Variants in APBB3 observed in about 807,000 individuals in gnomAD.
APBB3 encodes the protein amyloid beta precursor protein binding family B member 3.
A neutral mutation model predicts 61.5 loss-of-function variants in APBB3; 50 were observed. That is an observed-to-expected ratio of 0.81 (90% CI 0.65 to 1.03). APBB3 has a LOEUF of 1.03. Among genes scored for constraint, APBB3 ranks in the 50% least tolerant of loss-of-function variants. The probability of loss-of-function intolerance (pLI) is 0.00; values close to 1 mark genes in which losing one functional copy is unlikely to be tolerated. For synonymous variants in APBB3, 235 were observed against 233.0 expected (o/e 1.01, Z -0.08); for missense variants, 550 against 637.4 (o/e 0.86, Z 1.48).
At chr5:140,559,340 T>C (rs1381307078) in intron 12 of APBB3, among the ~76,000 whole-genome samples, 1 of 152,208 alleles carries the variant, frequency 6.6e-6, no homozygotes, top group Admixed American at 6.5e-5. Flanking sequence ...TCATCTCATC[T>C]GAACAGCTCA....
intron 3 of APBB3, chr5:140,563,249 A>C: frequency 6.0e-6 from 2 of 331,024 alleles, no homozygotes; most frequent in Non-Finnish European, 1.1e-5. Context: ...CATCTCAAAA[A>C]ATAAAAAATA....
rs1755115109 is a variant in APBB3, at chr5:140,564,318, C to T, written c.-73G>A. Reference sequence around the variant, plus strand: ...CAGCGCGACCTCTGGAGCTACTGCGCCTGCAAGCCCAGCCTCTCTGCGCCG... The same window carrying T: ...CAGCGCGACCTCTGGAGCTACTGCGTCTGCAAGCCCAGCCTCTCTGCGCCG... On this transcript the variant is annotated 5_prime_UTR_variant, in exon 1 of 13. Transcript: ENST00000357560. This position sits in a 1 kb window ranked among gnomAD's most constrained non-coding sequence, Gnocchi z 5.0. 1 of 1,567,128 alleles carries T rather than the reference C, an allele frequency of 6.4e-7. No individual in the cohort carries two copies. The highest frequency in any genetic ancestry group is 1.7e-5 in the Admixed American group (1 of 58,422).
At position 140,560,905 on chromosome 5, in the gene APBB3, C is replaced by A; in HGVS notation, c.916+113G>T. 7.1e-7 allele frequency: 1 copy of A among 1,404,772 alleles called. No homozygotes were observed. The highest frequency in any genetic ancestry group is 9.9e-7 in the Non-Finnish European group (1 of 1,011,850). The allele number at this position is 1,404,772 out of a possible 1,614,324, so 87.0% of individuals were successfully genotyped here. On this transcript the variant is annotated intron_variant, in intron 10 of 12. Coordinates refer to ENST00000357560, the MANE Select transcript of APBB3 (RefSeq NM_133173.3). The surrounding 1 kb of genome is among the most constrained non-coding windows in gnomAD (Gnocchi z 5.1). ...TCTGATTTGGGAAGGCTGGTAGACCCCAGGCCATAACAAGGCCACGGGAGG... is the reference window on the plus strand; with the variant it reads ...TCTGATTTGGGAAGGCTGGTAGACCACAGGCCATAACAAGGCCACGGGAGG...
At chr5:140,559,928 C>T (rs748308053) in intron 12 of APBB3, among the ~76,000 whole-genome samples, 9 of 152,196 alleles carry the variant, frequency 5.9e-5, no homozygotes, top group Admixed American at 1.3e-4. Context: ...ACTGAACTAA[C>T]GAAGTATAAG....
intron 9 of APBB3, 83 bp downstream of exon 9, chr5:140,561,282 G>A: frequency 6.5e-7 from 1 of 1,535,854 alleles, no homozygotes; most frequent in Non-Finnish European, 9.0e-7. Flanking sequence ...ATCCACAGAA[G>A]TATTAAATAA....
Position 140,562,332 on chromosome 5 carries a change from TA to T in APBB3, c.498+20del. On this transcript the variant is annotated intron_variant, in intron 5 of 12. Coordinates refer to ENST00000357560, the MANE Select transcript of APBB3 (RefSeq NM_133173.3). ...CTGCTGGGCCCTGGGCCCAAACCAT[TA>T]AAGGGCCCAGCCAACTCACCTCACC... 1 of 1,613,212 alleles carries T rather than the reference TA, an allele frequency of 6.2e-7. No individual in the cohort carries two copies. The highest frequency in any genetic ancestry group is 8.5e-7 in the Non-Finnish European group (1 of 1,179,566).
rs748375226 is a variant in APBB3, at chr5:140,560,804, AG to A, written c.917-51del. 5 of 1,549,900 alleles carry A rather than the reference AG, an allele frequency of 3.2e-6. No homozygotes were observed. The African/African-American group carries it at 5.4e-5, about 17-fold the overall frequency. On this transcript the variant is annotated intron_variant, in intron 10 of 12. Transcript: ENST00000357560. This position sits in a 1 kb window ranked among gnomAD's most constrained non-coding sequence, Gnocchi z 5.1. Reference sequence around the variant, plus strand: ...TCCCAGTGTAAAAGAAAGAGTCTGCAGGGAGTGTCTAGCCCCCTCTCACTGA... The same window carrying A: ...TCCCAGTGTAAAAGAAAGAGTCTGCAGGAGTGTCTAGCCCCCTCTCACTGA...
intron 9 of APBB3, 116 bp downstream of exon 9, chr5:140,561,249 G>A: frequency 6.8e-7 from 1 of 1,475,504 alleles, no homozygotes. Context: ...TGGGATCCCT[G>A]AGACCAGACA....
At chr5:140,559,977 A>G (rs1754873473) in intron 12 of APBB3, among the ~76,000 whole-genome samples, 1 of 152,244 alleles carries the variant, frequency 6.6e-6, no homozygotes, top group Non-Finnish European at 1.5e-5. Context: ...CAGGAAATAA[A>G]CCTAAATGAG....
In APBB3 at chr5:140,560,222, T is replaced by C. The variant is rs1754882332; in HGVS notation, c.1224+91A>G. On this transcript the variant is annotated intron_variant, in intron 12 of 12. Transcript: ENST00000357560. The surrounding 1 kb of genome is among the most constrained non-coding windows in gnomAD (Gnocchi z 5.1). ...AACCAGAATCAGCCCAGGTTTGTGATCTCTGAAGAGGCTGCCGACCCGGAG... is the reference window on the plus strand; with the variant it reads ...AACCAGAATCAGCCCAGGTTTGTGACCTCTGAAGAGGCTGCCGACCCGGAG... 2 of 1,435,570 alleles carry C rather than the reference T, an allele frequency of 1.4e-6. No individual in the cohort carries two copies. The highest frequency in any genetic ancestry group is 2.6e-5 in the South Asian group (2 of 76,702). The allele number at this position is 1,435,570 out of a possible 1,614,324, so 88.9% of individuals were successfully genotyped here.
Position 140,563,643 on chromosome 5 carries a change from G to A in APBB3, c.241C>T (p.Pro81Ser), listed in dbSNP as rs1755070664. ...TGTEGIWGLR[P>S]PKGRSFSSLE... ...CTGGAGAAGGATCTCCCTTTGGGGG[G>A]CCGCAGTCCCCAGATCCCCTCCGTT... The change falls in exon 3 of 13, where the codon CCC (proline) becomes TCC (serine). Residue 81 changes from proline (P) to serine (S), a missense_variant. Physicochemically the swap from Pro to Ser is moderately conservative, Grantham distance 74. Transcript: ENST00000357560. 14 of 1,614,182 alleles carry A rather than the reference G, an allele frequency of 8.7e-6. No homozygotes were observed. The East Asian group carries it at 2.7e-4, about 31-fold the overall frequency.
At position 140,564,375 on chromosome 5, in the gene APBB3, T is replaced by A; in HGVS notation, c.-130A>T. The A allele has an allele frequency of 1.5e-5, 16 of 1,039,486 alleles. No individual in the cohort carries two copies. The highest frequency in any genetic ancestry group is 2.0e-5 in the Non-Finnish European group (14 of 708,220). 64.4% of individuals were successfully genotyped at this position (1,039,486 alleles called of 1,614,324 possible). On this transcript the variant is annotated 5_prime_UTR_variant, in exon 1 of 13. Transcript: ENST00000357560. This position sits in a 1 kb window ranked among gnomAD's most constrained non-coding sequence, Gnocchi z 5.0. ...GCGGGGCCAGCTGGCGCCGCACAAATACGGGGCGGGACACGGGGCGGGACA... is the reference window on the plus strand; with the variant it reads ...GCGGGGCCAGCTGGCGCCGCACAAAAACGGGGCGGGACACGGGGCGGGACA...
chr5:140,560,518 G>C lies in APBB3; in HGVS notation c.1033-14C>G, dbSNP rs1156800688. 1 of 1,610,466 alleles carries C rather than the reference G, an allele frequency of 6.2e-7. No individual in the cohort carries two copies. Among genetic ancestry groups the C allele is most frequent in the Non-Finnish European group, 8.5e-7 (1 of 1,177,548 alleles). Reference sequence around the variant, plus strand: ...ACTGGCCTCTGCCTGCCCACACCAGGCCTAGTCACTAGAGGGCCAAGCACG... The same window carrying C: ...ACTGGCCTCTGCCTGCCCACACCAGCCCTAGTCACTAGAGGGCCAAGCACG... On this transcript the variant is annotated splice_polypyrimidine_tract_variant and intron_variant, in intron 11 of 12. Coordinates refer to ENST00000357560, the MANE Select transcript of APBB3 (RefSeq NM_133173.3). This position sits in a 1 kb window ranked among gnomAD's most constrained non-coding sequence, Gnocchi z 5.1.
At position 140,558,406 on chromosome 5, in the gene APBB3, C is replaced by T. The variant is rs1754789742; in HGVS notation, c.*179G>A. 1.6e-5 allele frequency: 12 copies of T among 743,454 alleles called. No individual in the cohort carries two copies. Among genetic ancestry groups the T allele is most frequent in the Non-Finnish European group, 2.6e-5 (11 of 421,996 alleles). The allele number at this position is 743,454 out of a possible 1,614,324, so 46.1% of individuals were successfully genotyped here. Reference sequence around the variant, plus strand: ...GGAGCCAGGGTCCTACGTTGTGGTGCAGTGCCTCCCAGTCATCCGTATAAA... The same window carrying T: ...GGAGCCAGGGTCCTACGTTGTGGTGTAGTGCCTCCCAGTCATCCGTATAAA... On this transcript the variant is annotated 3_prime_UTR_variant, in exon 13 of 13. Transcript: ENST00000357560.
chr5:140,558,888 G>A, intron 12 of APBB3, 67 bp from the exon 13 acceptor site: 1 of 1,444,764 alleles, frequency 6.9e-7, no homozygotes, highest in Non-Finnish European at 9.7e-7. Flanking sequence ...AGCTTCTGCA[G>A]GACAGGGAAC....
In APBB3 at chr5:140,564,401, C is replaced by G. The variant is rs1755121169; in HGVS notation, c.-156G>C. On this transcript the variant is annotated 5_prime_UTR_variant, in exon 1 of 13. Coordinates refer to ENST00000357560, the MANE Select transcript of APBB3 (RefSeq NM_133173.3). This position sits in a 1 kb window ranked among gnomAD's most constrained non-coding sequence, Gnocchi z 5.0. ...ACGGGGCGGGACACGGGGCGGGACA[C>G]GGGCCGGTCCCGGGGGAGGGCCTGA... 1 of 863,314 alleles carries G rather than the reference C, an allele frequency of 1.2e-6. No homozygotes were observed. The highest frequency in any genetic ancestry group is 1.8e-6 in the Non-Finnish European group (1 of 563,784). The allele number at this position is 863,314 out of a possible 1,614,324, so 53.5% of individuals were successfully genotyped here. A position where few individuals can be genotyped will look rare whatever the true frequency, so the allele number is the denominator to read the frequency against.
In APBB3 at chr5:140,560,668, C is replaced by CA; in HGVS notation, c.1002dup (p.Asp335Ter). ...ATGGGGTGTGCAGTCATGAGAGAGTCAGACACACTGAGCATGGTGGGGACC... is the reference window on the plus strand; with the variant it reads ...ATGGGGTGTGCAGTCATGAGAGAGTCAAGACACACTGAGCATGGTGGGGACC... On this transcript the variant is annotated frameshift_variant, in exon 11 of 13. Coordinates refer to ENST00000357560, the MANE Select transcript of APBB3 (RefSeq NM_133173.3). LOFTEE classifies it high-confidence loss of function. This position sits in a 1 kb window ranked among gnomAD's most constrained non-coding sequence, Gnocchi z 5.1. 1.2e-6 allele frequency: 2 copies of CA among 1,614,176 alleles called. No homozygotes were observed. Among genetic ancestry groups the CA allele is most frequent in the South Asian group, 1.1e-5 (1 of 91,068 alleles).
At chr5:140,563,142 G>A (rs1205793805) in intron 3 of APBB3, among the ~76,000 whole-genome samples, 1 of 152,254 alleles carries the variant, frequency 6.6e-6, no homozygotes, top group Non-Finnish European at 1.5e-5. Flanking sequence ...CTACTCAGGA[G>A]GCTGAGGCAG....
At position 140,563,639 on chromosome 5, in the gene APBB3, G is replaced by A; in HGVS notation, c.245C>T (p.Pro82Leu). ...CAGGCTGGAGAAGGATCTCCCTTTG[G>A]GGGGCCGCAGTCCCCAGATCCCCTC... ...GTEGIWGLRP[P>L]KGRSFSSLES... The change falls in exon 3 of 13, where the codon CCC becomes CTC. Residue 82 changes from proline to leucine, a missense_variant. Pro to Leu is a moderately conservative substitution (Grantham distance 98, BLOSUM62 -3). Transcript: ENST00000357560. 1.9e-6 allele frequency: 3 copies of A among 1,614,196 alleles called. No homozygotes were observed. The highest frequency in any genetic ancestry group is 1.3e-5 in the African/African-American group (1 of 75,046).
Sources: gnomAD v4.1 joint callset for allele counts (sites outside exome capture counted in the v4.1 genomes callset) on GRCh38, gnomAD v4.1.1 for gene constraint, Gnocchi (gnomAD v3.1) non-coding constraint, MANE v1.5 for transcripts, NCBI Gene and HGNC (gene_info 2026-07-23, HGNC 2026-07-21) for gene names.